The following THSD7A variants were observed in gnomAD, a reference collection of about 807,000 sequenced individuals.
THSD7A encodes thrombospondin type 1 domain containing 7A, also known as thrombospondin type-1 domain-containing protein 7A.
A neutral mutation model predicts 231.3 loss-of-function variants in THSD7A; 96 were observed. The observed-to-expected ratio is 0.41, with a 90% CI of 0.35 to 0.49. The LOEUF is 0.49. Among genes scored for constraint, THSD7A ranks in the 20% least tolerant of loss-of-function variants. The pLI is 0.05. For synonymous variants in THSD7A, 940 were observed against 743.3 expected (o/e 1.26, Z -4.30); for missense variants, 2,290 against 2,070.2 (o/e 1.11, Z -2.06).
chr7:11,698,534 A>C (rs1780472175), intron 1 of THSD7A, among the ~76,000 whole-genome samples: 1 of 151,404 alleles, frequency 6.6e-6, no homozygotes, highest in African/African-American at 2.4e-5. Flanking sequence ...CAACTTCCCC[A>C]ACTGGGCCTA....
At chr7:11,811,617 C>T (rs767376390) in intron 1 of THSD7A, among the ~76,000 whole-genome samples, 8 of 152,100 alleles carry the variant, frequency 5.3e-5, no homozygotes, top group Non-Finnish European at 7.4e-5. Context: ...AGAATGAGAA[C>T]GTTTCCAAAG....
chr7:11,455,195 A>G (rs892243671), intron 11 of THSD7A, among the ~76,000 whole-genome samples: 4 of 152,032 alleles, frequency 2.6e-5, no homozygotes, highest in African/African-American at 9.7e-5. Context: ...AAGTCAGGAA[A>G]TAGGTCTTCG....
intron 13 of THSD7A, among the ~76,000 whole-genome samples, chr7:11,439,060 A>AT (rs1222188857): frequency 6.6e-6 from 1 of 151,920 alleles, no homozygotes; most frequent in Non-Finnish European, 1.5e-5. Flanking sequence ...ATGTGGAATC[A>AT]TTTTTTTCAT....
chr7:11,821,368 A>G (rs1784867677), intron 1 of THSD7A: 2 of 594,974 alleles, frequency 3.4e-6, no homozygotes, highest in East Asian at 3.2e-5. Flanking sequence ...ATGACTTTTT[A>G]TCTCTTCTCC....
rs550538451 is a variant in THSD7A at position 11,778,144 on chromosome 7, G to C, written c.190+53613C>G. Among the ~76,000 whole-genome samples, 460 of 62,262 alleles carry C rather than the reference G, an allele frequency of 7.4e-3. 1 individual carries two copies. Among genetic ancestry groups the C allele is most frequent in the Non-Finnish European group, 0.012 (376 of 31,348 alleles). The allele number at this position is 62,262 out of a possible 152,430, so 40.8% of individuals were successfully genotyped here. On this transcript the variant is annotated intron_variant, in intron 1 of 27. Coordinates refer to ENST00000423059, the MANE Select transcript of THSD7A (RefSeq NM_015204.3). ...TGCACTCCAGCCTGGGCGACAGAGC[G>C]AGACTCCGTCTCAAAAAAAAAAAAA...
At chr7:11,528,720 T>C (rs1425660686) in intron 6 of THSD7A, among the ~76,000 whole-genome samples, 1 of 152,134 alleles carries the variant, frequency 6.6e-6, no homozygotes, top group Non-Finnish European at 1.5e-5. Context: ...TGTATTAATC[T>C]TGTAGCAAGC....
chr7:11,379,262 C>A lies in THSD7A; in HGVS notation c.4609G>T (p.Glu1537Ter). The A allele has an allele frequency of 6.2e-7, 1 of 1,613,586 alleles. No homozygotes were observed. The highest frequency in any genetic ancestry group is 8.5e-7 in the Non-Finnish European group (1 of 1,179,598). ...YCSETKTCHC[E>*]EGYTEVMSSN... is the part of the protein sequence containing the mutation. The stretch of plus-strand genomic sequence containing the variant: ...GACATGACTTCAGTGTACCCTTCTT[C>A]ACAATGGCATGTTTTTGTCTGCAGG... Residue 1537 changes from glutamate to a stop codon, truncating the protein, a stop_gained, in exon 26 of 28, where the codon GAA (glutamate) becomes TAA (stop). Transcript: ENST00000423059. LOFTEE classifies it high-confidence loss of function.
intron 2 of THSD7A, among the ~76,000 whole-genome samples, chr7:11,597,967 A>T (rs1780423579): frequency 6.6e-6 from 1 of 152,092 alleles, no homozygotes; most frequent in Non-Finnish European, 1.5e-5. Context: ...AGAGGAAGAG[A>T]AGACTAGGGT....
chr7:11,688,700 C>T (rs559262057), intron 1 of THSD7A, among the ~76,000 whole-genome samples: 25 of 151,720 alleles, frequency 1.6e-4, no homozygotes, highest in African/African-American at 6.0e-4. Context: ...TGTACAGGTG[C>T]GTGGAGCAAG....
chr7:11,663,502 C>A (rs186077882), intron 1 of THSD7A, among the ~76,000 whole-genome samples: 240 of 151,538 alleles, frequency 1.6e-3, no homozygotes, highest in African/African-American at 5.4e-3. Context: ...CAAAAATATT[C>A]CAGAACATAG....
chr7:11,519,820 T>C (rs1788188060), intron 6 of THSD7A, among the ~76,000 whole-genome samples: 1 of 152,198 alleles, frequency 6.6e-6, no homozygotes. Context: ...ATCTAGTCTA[T>C]TCAAGAGCAG....
chr7:11,788,650 C>T lies in THSD7A; in HGVS notation c.190+43107G>A, dbSNP rs964518978. Among the ~76,000 whole-genome samples the T allele has an allele frequency of 5.9e-5, 9 of 151,988 alleles. 1 individual carries two copies. The South Asian group carries it at 1.0e-3, about 17-fold the overall frequency. ...AAAGTCATTCAATGTAGAGACGCTT[C>T]GGAGTGTAGCATAGAGTTGTGGATA... On this transcript the variant is annotated intron_variant, in intron 1 of 27. Coordinates refer to ENST00000423059, the MANE Select transcript of THSD7A (RefSeq NM_015204.3).
At chr7:11,820,254 C>A in intron 1 of THSD7A, 1 of 403,664 alleles carries the variant, frequency 2.5e-6, no homozygotes, top group Non-Finnish European at 4.4e-6. Flanking sequence ...CTGTTTAGCT[C>A]CTCGCCAGCC....
chr7:11,756,896 A>G (rs1206029534), intron 1 of THSD7A, among the ~76,000 whole-genome samples: 1 of 152,058 alleles, frequency 6.6e-6, no homozygotes, highest in Non-Finnish European at 1.5e-5. Flanking sequence ...TAGGGTTTTG[A>G]GATTATTTTT....
intron 4 of THSD7A, among the ~76,000 whole-genome samples, chr7:11,565,486 C>CT (rs1790270282): frequency 6.6e-6 from 1 of 152,154 alleles, no homozygotes; most frequent in African/African-American, 2.4e-5. Flanking sequence ...ACAAGGTTAC[C>CT]TGTTAGGAGA....
intron 1 of THSD7A, among the ~76,000 whole-genome samples, chr7:11,823,239 C>T (rs1275536953): frequency 1.3e-5 from 2 of 151,952 alleles, no homozygotes; most frequent in Non-Finnish European, 2.9e-5. Flanking sequence ...TTCTTGTTGG[C>T]TTTGTCAAAG....
rs747118386 is a variant in THSD7A at position 11,429,003 on chromosome 7, G to T, written c.3187C>A (p.Arg1063Ser). Reference protein sequence around the residue: ...SGVKVRSKWLREKPYNGGRPC... With the variant: ...SGVKVRSKWLSEKPYNGGRPC... ...CTTCCTCCATTATATGGTTTTTCAC[G>T]CAGCCATTTAGAACGAACCTTCACA... is the stretch of plus-strand genomic sequence containing the variant. The change falls in exon 14 of 28, where the codon CGT becomes AGT. Residue 1063 changes from arginine (R) to serine (S), a missense_variant. Arg to Ser is a moderately radical substitution (Grantham distance 110). Coordinates refer to ENST00000423059, the MANE Select transcript of THSD7A (RefSeq NM_015204.3). The T allele has an allele frequency of 6.2e-7, 1 of 1,612,594 alleles. No individual in the cohort carries two copies. Among genetic ancestry groups the T allele is most frequent in the Non-Finnish European group, 8.5e-7 (1 of 1,179,342 alleles).
At chr7:11,715,470 A>G (rs1160615973) in intron 1 of THSD7A, among the ~76,000 whole-genome samples, 1 of 151,510 alleles carries the variant, frequency 6.6e-6, no homozygotes, top group African/African-American at 2.4e-5. Flanking sequence ...ACTGCTAACA[A>G]GTGTTTAAAC....
chr7:11,701,304 A>C (rs1780593469), intron 1 of THSD7A, among the ~76,000 whole-genome samples: 2 of 151,354 alleles, frequency 1.3e-5, no homozygotes, highest in East Asian at 3.9e-4. Context: ...CATTTGAAAC[A>C]ACACACATAT....
Sources: allele counts gnomAD v4.1 joint callset (sites outside exome capture counted in the v4.1 genomes callset), GRCh38; gene constraint gnomAD v4.1.1; transcripts MANE v1.5; gene names NCBI Gene and HGNC (gene_info 2026-07-23, HGNC 2026-07-21).